Variants in ADK observed in about 807,000 individuals in gnomAD.
The protein encoded by ADK is adenosine kinase, also known as N6,N6-dimethyladenosine kinase.
In ADK, 24 loss-of-function variants were observed where a neutral mutation model predicts 44.7. The observed-to-expected ratio is 0.54, with a 90% CI of 0.39 to 0.76. The LOEUF (loss-of-function observed/expected upper bound fraction) is 0.76, where lower values mean the gene tolerates loss of function less well. Ranked by LOEUF, ADK falls within the 30% of genes least tolerant of loss-of-function variation. The probability of loss-of-function intolerance (pLI) is 0.00; values close to 1 mark genes in which losing one functional copy is unlikely to be tolerated. For missense variants in ADK, 321 were observed against 425.1 expected (o/e 0.76, Z 2.15); for synonymous variants, 128 against 142.6 (o/e 0.90, Z 0.73).
intron 5 of ADK, among the ~76,000 whole-genome samples, chr10:74,395,582 T>C (rs1242466884): frequency 6.6e-6 from 1 of 152,234 alleles, no homozygotes; most frequent in African/African-American, 2.4e-5. Flanking sequence ...TTTAGACCTT[T>C]GCCCTTAGTT....
chr10:74,638,693 G>C lies in ADK; in HGVS notation c.878-31490G>C, dbSNP rs563949961. 3.3e-5 allele frequency among the ~76,000 whole-genome samples: 5 copies of C among 152,252 alleles called. No homozygotes were observed. The East Asian group carries it at 7.7e-4, about 24-fold the overall frequency. On this transcript the variant is annotated intron_variant, in intron 9 of 10. Transcript: ENST00000539909. ...CTTATTTGAACCTTCGTACATTTTT[G>C]CTTTTATTAATGAGCTTTTCTTTTA...
chr10:74,707,677 G>T (rs1832436), intron 10 of ADK, among the ~76,000 whole-genome samples: 8 of 150,722 alleles, frequency 5.3e-5, no homozygotes, highest in Admixed American at 3.3e-4. Flanking sequence ...GCAGAAGAAT[G>T]GCTTGAACCT....
At chr10:74,200,934 A>C in intron 2 of ADK, 96 bp downstream of exon 2, 1 of 842,452 alleles carries the variant, frequency 1.2e-6, no homozygotes. Context: ...GAATGTCTTC[A>C]ATTAAAGGAA....
chr10:74,554,595 A>C (rs927876061), intron 7 of ADK, among the ~76,000 whole-genome samples: 3 of 152,180 alleles, frequency 2.0e-5, no homozygotes, highest in African/African-American at 7.2e-5. Context: ...ATTGACTATA[A>C]ATAATAGCTG....
intron 1 of ADK, chr10:74,176,745 G>T: frequency 6.5e-7 from 1 of 1,535,444 alleles, no homozygotes; most frequent in Non-Finnish European, 8.7e-7. Context: ...CGCGCGGGGT[G>T]TGTGAGGACG....
At chr10:74,636,157 T>C (rs1853615973) in intron 9 of ADK, among the ~76,000 whole-genome samples, 1 of 151,886 alleles carries the variant, frequency 6.6e-6, no homozygotes, top group African/African-American at 2.4e-5. Context: ...CTAACAAAAA[T>C]AGAATAATCT....
At chr10:74,284,908 T>G (rs1045015415) in intron 3 of ADK, among the ~76,000 whole-genome samples, 6 of 152,228 alleles carry the variant, frequency 3.9e-5, no homozygotes, top group Non-Finnish European at 8.8e-5. Flanking sequence ...AACAACTTAT[T>G]TTTTGCCAAG....
chr10:74,557,784 T>C (rs1260172715), intron 7 of ADK, among the ~76,000 whole-genome samples: 1 of 152,092 alleles, frequency 6.6e-6, no homozygotes, highest in African/African-American at 2.4e-5. Context: ...AATCAATACA[T>C]AGAGGTTATA....
rs190497337 is a variant in ADK at position 74,262,548 on chromosome 10, A to T, written c.194+37957A>T. Among the ~76,000 whole-genome samples the T allele has an allele frequency of 4.5e-3, 683 of 152,290 alleles. 8 individuals are homozygous for T. The highest frequency in any genetic ancestry group is 7.2e-3 in the Non-Finnish European group (491 of 68,016). On this transcript the variant is annotated intron_variant, in intron 3 of 10. Transcript: ENST00000539909. ...AATATTGAGTTAGAATGGCTTTATC[A>T]AGCATGTTTATTTCTAGTTTTTCAT...
In ADK at chr10:74,576,392, C is replaced by T. The variant is rs183515222; in HGVS notation, c.727-12890C>T. On this transcript the variant is annotated intron_variant, in intron 7 of 10. Transcript: ENST00000539909. ...AAGACCTAAAAGAAAAATATTTAAC[C>T]ACAAAATGAAAAGTAATAGGAGATG... 1.0e-3 allele frequency among the ~76,000 whole-genome samples: 154 copies of T among 151,888 alleles called. 1 individual carries two copies. Among genetic ancestry groups the T allele is most frequent in the African/African-American group, 3.4e-3 (142 of 41,436 alleles).
intron 6 of ADK, among the ~76,000 whole-genome samples, chr10:74,495,979 C>G (rs1483260293): frequency 6.6e-6 from 1 of 152,126 alleles, no homozygotes; most frequent in Non-Finnish European, 1.5e-5. Context: ...ACTGTCTGAC[C>G]TCAGAAATTG....
At chr10:74,625,084 A>T (rs1298570599) in intron 9 of ADK, among the ~76,000 whole-genome samples, 1 of 152,190 alleles carries the variant, frequency 6.6e-6, no homozygotes, top group African/African-American at 2.4e-5. Context: ...AATTGTGGTT[A>T]TAAAGATGAA....
chr10:74,333,454 G>A (rs1368838382), intron 4 of ADK, among the ~76,000 whole-genome samples: 1 of 152,082 alleles, frequency 6.6e-6, no homozygotes, highest in Non-Finnish European at 1.5e-5. Flanking sequence ...TAAAACAGAT[G>A]TTCCATTCTA....
At chr10:74,504,825 T>C (rs1177958265) in intron 6 of ADK, among the ~76,000 whole-genome samples, 1 of 152,114 alleles carries the variant, frequency 6.6e-6, no homozygotes, top group Non-Finnish European at 1.5e-5. Context: ...ATGTATGACA[T>C]GCCTGCTTCC....
intron 6 of ADK, among the ~76,000 whole-genome samples, chr10:74,485,729 A>G (rs531205856): frequency 5.3e-4 from 80 of 152,258 alleles, no homozygotes; most frequent in Non-Finnish European, 1.0e-3. Context: ...CTAATAAACT[A>G]TGAACAAGGC....
chr10:74,180,581 C>G (rs1842511479), intron 1 of ADK, among the ~76,000 whole-genome samples: 1 of 151,454 alleles, frequency 6.6e-6, no homozygotes, highest in African/African-American at 2.4e-5. Flanking sequence ...GCCTCAGCCT[C>G]TCTAGTAGCT....
chr10:74,579,021 A>T (rs1018926550), intron 7 of ADK, among the ~76,000 whole-genome samples: 2 of 151,998 alleles, frequency 1.3e-5, no homozygotes, highest in Non-Finnish European at 1.5e-5. Flanking sequence ...ATCACCTGAG[A>T]TCAGGAGTTC....
intron 4 of ADK, among the ~76,000 whole-genome samples, chr10:74,373,430 T>A (rs1440173154): frequency 6.6e-6 from 1 of 152,140 alleles, no homozygotes; most frequent in African/African-American, 2.4e-5. Context: ...ATCTATTTTA[T>A]CTTGAATATA....
intron 4 of ADK, among the ~76,000 whole-genome samples, chr10:74,370,385 A>G (rs1196780510): frequency 1.3e-5 from 2 of 152,186 alleles, no homozygotes; most frequent in East Asian, 3.8e-4. Context: ...CCATCTCTAA[A>G]AAGTACTGAA....
Sources: allele counts gnomAD v4.1 joint callset (sites outside exome capture counted in the v4.1 genomes callset), GRCh38; gene constraint gnomAD v4.1.1; transcripts MANE v1.5; gene names NCBI Gene and HGNC (gene_info 2026-07-23, HGNC 2026-07-21).